The following STN1 variants were observed in gnomAD, a reference collection of about 807,000 sequenced individuals.
STN1 encodes STN1 subunit of CST complex.
Under a neutral mutation model 45.5 loss-of-function variants are expected in STN1, and 29 were observed. The observed-to-expected ratio is 0.64, with a 90% CI of 0.47 to 0.87. The LOEUF is 0.87. Ranked by LOEUF, STN1 falls within the 40% of genes least tolerant of loss-of-function variation. The pLI, the probability that STN1 is intolerant of heterozygous loss-of-function variation, is 0.00. For missense variants in STN1, 376 were observed against 441.4 expected (o/e 0.85, Z 1.33); for synonymous variants, 148 against 159.0 (o/e 0.93, Z 0.52).
chr10:103,908,193 G>T (rs1338866267), intron 3 of STN1, among the ~76,000 whole-genome samples: 4 of 152,004 alleles, frequency 2.6e-5, no homozygotes, highest in Non-Finnish European at 4.4e-5. Flanking sequence ...TTCTGGTCTT[G>T]ACTGTAGCCT....
rs970709662 is a variant in STN1, at chr10:103,881,798, C to T, written c.*886G>A. Among the ~76,000 whole-genome samples, 2 of 152,180 alleles carry T rather than the reference C, an allele frequency of 1.3e-5. No individual in the cohort carries two copies. Among genetic ancestry groups the T allele is most frequent in the African/African-American group, 4.8e-5 (2 of 41,446 alleles). On this transcript the variant is annotated 3_prime_UTR_variant, in exon 10 of 10. Coordinates refer to ENST00000224950, the MANE Select transcript of STN1 (RefSeq NM_024928.5). ...CCTACAACATACCTCAGATGTTTTT[C>T]CTTTACCTTGTCATTCTGAGCAAAA... is the stretch of plus-strand genomic sequence containing the variant.
chr10:103,891,981 C>A, intron 8 of STN1, 149 bp downstream of exon 8: 1 of 630,466 alleles, frequency 1.6e-6, no homozygotes. Context: ...AAAAGAGATA[C>A]CTCGGGGAAG....
chr10:103,909,798 CA>C (rs1038527265), intron 3 of STN1, among the ~76,000 whole-genome samples: 16 of 152,030 alleles, frequency 1.1e-4, no homozygotes, highest in Non-Finnish European at 2.4e-4. Context: ...GTGACAATGT[CA>C]ATTTCAGCAA....
At chr10:103,883,965 C>A (rs745952718) in intron 9 of STN1, among the ~76,000 whole-genome samples, 32 of 151,850 alleles carry the variant, frequency 2.1e-4, no homozygotes, top group Non-Finnish European at 4.3e-4. Flanking sequence ...TGGCATGGAC[C>A]TGTAATCCTA....
Position 103,917,799 on chromosome 10 carries a change from G to C in STN1, c.-62-143C>G, listed in dbSNP as rs11191866. 2,507 of 538,038 alleles carry C rather than the reference G, an allele frequency of 4.7e-3. 22 individuals are homozygous for C. The highest frequency in any genetic ancestry group is 5.2e-3 in the Non-Finnish European group (1,571 of 304,724). The allele number at this position is 538,038 out of a possible 1,614,324, so 33.3% of individuals were successfully genotyped here. On this transcript the variant is annotated intron_variant, in intron 1 of 9. Coordinates refer to ENST00000224950, the MANE Select transcript of STN1 (RefSeq NM_024928.5). Reference sequence around the variant, plus strand: ...AGGGCCCTGTCAAACTCCATGCCACGGGGCGTGTTAAGAGGCGTTCCTCAC... The same window carrying C: ...AGGGCCCTGTCAAACTCCATGCCACCGGGCGTGTTAAGAGGCGTTCCTCAC...
At chr10:103,899,127 A>G in intron 5 of STN1, 127 bp from the exon 6 acceptor site, 1 of 923,590 alleles carries the variant, frequency 1.1e-6, no homozygotes, top group South Asian at 1.6e-5. Flanking sequence ...CTTCCTTGTG[A>G]GTGCCCAGGG....
chr10:103,892,351 A>T (rs1378244166), intron 7 of STN1, 99 bp from the exon 8 acceptor site: 1 of 1,137,614 alleles, frequency 8.8e-7, no homozygotes, highest in Non-Finnish European at 1.2e-6. Flanking sequence ...TTTGTCCAAC[A>T]GGCCTTTTAA....
intron 9 of STN1, among the ~76,000 whole-genome samples, chr10:103,884,811 T>C (rs1359410731): frequency 2.6e-5 from 4 of 152,186 alleles, no homozygotes; most frequent in Non-Finnish European, 4.4e-5. Flanking sequence ...TTTCCAACCC[T>C]AAGGTTCAGA....
intron 6 of STN1, 62 bp from the exon 7 acceptor site, chr10:103,897,781 T>C: frequency 6.4e-7 from 1 of 1,551,840 alleles, no homozygotes; most frequent in Non-Finnish European, 8.8e-7. Flanking sequence ...CTTTTTGGTG[T>C]ATAAAAACCA....
rs181645551 is a variant in STN1, at chr10:103,915,038, G to T, written c.133+2424C>A. 7.2e-5 allele frequency among the ~76,000 whole-genome samples: 11 copies of T among 152,314 alleles called. No homozygotes were observed. In the East Asian group the frequency reaches 2.1e-3, roughly 29 times the overall value. ...GGACTCAGGAAGGTGCTATACTTAT[G>T]ATTATAGTTTTATCCATGAAGGATC... On this transcript the variant is annotated intron_variant, in intron 2 of 9. Transcript: ENST00000224950.
intron 9 of STN1, among the ~76,000 whole-genome samples, chr10:103,887,401 A>G (rs1843111166): frequency 6.6e-6 from 1 of 152,236 alleles, no homozygotes; most frequent in South Asian, 2.1e-4. Flanking sequence ...CAAGTAACTA[A>G]TAACAACCAC....
At chr10:103,917,962 G>A (rs893456102) in intron 1 of STN1, 138 bp downstream of exon 1, 2 of 190,752 alleles carry the variant, frequency 1.0e-5, no homozygotes, top group South Asian at 2.0e-4. Flanking sequence ...TTGGGGTCCC[G>A]GGAGGAACGG....
intron 2 of STN1, among the ~76,000 whole-genome samples, chr10:103,912,357 G>C (rs1843297547): frequency 6.6e-6 from 1 of 152,218 alleles, no homozygotes; most frequent in African/African-American, 2.4e-5. Flanking sequence ...GATGTAGCCA[G>C]TTCCAACTGG....
In STN1 at chr10:103,880,358, G is replaced by C. The variant is rs908367620; in HGVS notation, c.*2326C>G. On this transcript the variant is annotated 3_prime_UTR_variant, in exon 10 of 10. Transcript: ENST00000224950. ...TATTCAGAAAGAACAATTGGGAAAGGGTGGGCAAACAGGAACAGAAGTTCC... is the reference window on the plus strand; with the variant it reads ...TATTCAGAAAGAACAATTGGGAAAGCGTGGGCAAACAGGAACAGAAGTTCC... 6.6e-6 allele frequency among the ~76,000 whole-genome samples: 1 copy of C among 152,210 alleles called. No homozygotes were observed. The highest frequency in any genetic ancestry group is 1.5e-5 in the Non-Finnish European group (1 of 68,040).
intron 2 of STN1, among the ~76,000 whole-genome samples, chr10:103,916,385 G>C (rs566716783): frequency 1.8e-4 from 28 of 152,346 alleles, no homozygotes; most frequent in African/African-American, 4.8e-4. Flanking sequence ...ATGGAAAACT[G>C]TGGAGGAGGT....
chr10:103,904,327 A>C (rs1843227571), intron 4 of STN1, among the ~76,000 whole-genome samples: 1 of 152,118 alleles, frequency 6.6e-6, no homozygotes, highest in Non-Finnish European at 1.5e-5. Flanking sequence ...AAAATATCTA[A>C]AAATTAGGCC....
intron 9 of STN1, among the ~76,000 whole-genome samples, chr10:103,885,069 T>G (rs1843094891): frequency 6.6e-6 from 1 of 152,110 alleles, no homozygotes; most frequent in South Asian, 2.1e-4. Flanking sequence ...GCTCTACAAC[T>G]GGGACAAAGT....
Position 103,917,459 on chromosome 10 carries a change from T to C in STN1, c.133+3A>G, listed in dbSNP as rs757022591. On this transcript the variant is annotated splice_donor_region_variant and intron_variant, in intron 2 of 9. Transcript: ENST00000224950. Reference sequence around the variant, plus strand: ...GGGCATCCCAGGGTGGCTAGCCACATACCTGGCACCTGGCGGGACTCCTTC... The same window carrying C: ...GGGCATCCCAGGGTGGCTAGCCACACACCTGGCACCTGGCGGGACTCCTTC... 3 of 1,612,982 alleles carry C rather than the reference T, an allele frequency of 1.9e-6. No homozygotes were observed. Among genetic ancestry groups the C allele is most frequent in the Non-Finnish European group, 1.7e-6 (2 of 1,179,438 alleles).
chr10:103,899,605 T>C (rs534812079), intron 5 of STN1, among the ~76,000 whole-genome samples: 2 of 152,132 alleles, frequency 1.3e-5, no homozygotes, highest in Non-Finnish European at 1.5e-5. Flanking sequence ...GAGAATCTCC[T>C]GAGCCCAGGA....
Sources: allele counts gnomAD v4.1 joint callset (sites outside exome capture counted in the v4.1 genomes callset), GRCh38; gene constraint gnomAD v4.1.1; transcripts MANE v1.5; gene names NCBI Gene and HGNC (gene_info 2026-07-23, HGNC 2026-07-21).